Variants in SMYD3 observed in about 807,000 individuals in gnomAD.
SMYD3 encodes the protein SET and MYND domain containing 3, also known as histone-lysine N-methyltransferase SMYD3.
In SMYD3, 36 loss-of-function variants were observed where a neutral mutation model predicts 57.7. That is an observed-to-expected ratio of 0.62 (90% CI 0.48 to 0.82). The LOEUF is 0.82. SMYD3 is among the 40% of genes least tolerant of loss of function. SMYD3 has a pLI of 0.00. For synonymous variants in SMYD3, 211 were observed against 195.0 expected (o/e 1.08, Z -0.68); for missense variants, 515 against 538.8 (o/e 0.96, Z 0.44).
intron 1 of SMYD3, among the ~76,000 whole-genome samples, chr1:246,420,785 T>G (rs1345717074): frequency 6.6e-6 from 1 of 152,154 alleles, no homozygotes; most frequent in Non-Finnish European, 1.5e-5. Flanking sequence ...TAGCATAGGT[T>G]AGGGAAGAGA....
At position 245,835,370 on chromosome 1, in the gene SMYD3, A is replaced by G. The variant is rs375328787; in HGVS notation, c.1076+23126T>C. ...CTTGACCTCGTGATCTGCCCACCTC[A>G]GCCTCCCAAAGTGCTGGGATTACAG... On this transcript the variant is annotated intron_variant, in intron 10 of 11. Transcript: ENST00000490107. Among the ~76,000 whole-genome samples the G allele has an allele frequency of 3.3e-4, 50 of 152,124 alleles. No individual in the cohort carries two copies. In the East Asian group the frequency reaches 6.0e-3, roughly 18 times the overall value.
intron 10 of SMYD3, among the ~76,000 whole-genome samples, chr1:245,833,531 C>T (rs777741840): frequency 2.4e-4 from 37 of 152,188 alleles, no homozygotes; most frequent in Non-Finnish European, 4.1e-4. Flanking sequence ...GTAAAGTACC[C>T]TTCTCATTAC....
chr1:245,751,588 G>C (rs756466064), intron 11 of SMYD3, among the ~76,000 whole-genome samples: 6 of 78,110 alleles, frequency 7.7e-5, no homozygotes, highest in South Asian at 5.4e-4. Flanking sequence ...AAGAGAGAGA[G>C]AGAGAAAGAG....
At chr1:246,350,385 T>C (rs2148697786) in intron 2 of SMYD3, among the ~76,000 whole-genome samples, 1 of 152,292 alleles carries the variant, frequency 6.6e-6, no homozygotes, top group Admixed American at 6.5e-5. Flanking sequence ...AATTAGAAGT[T>C]GGAAAGAATC....
rs114197572 is a variant in SMYD3 at position 246,150,712 on chromosome 1, A to G, written c.531+176489T>C. ...GGGAAATGTCTGGCCCAGCCGTGGA[A>G]GTCCAGGGGTTGGGGGGACATGGAA... On this transcript the variant is annotated intron_variant, in intron 5 of 11. Coordinates refer to ENST00000490107, the MANE Select transcript of SMYD3 (RefSeq NM_001167740.2). 3.2e-3 allele frequency among the ~76,000 whole-genome samples: 481 copies of G among 152,324 alleles called. 5 individuals carry two copies. The highest frequency in any genetic ancestry group is 8.8e-3 in the Admixed American group (134 of 15,304).
At chr1:246,473,989 C>T (rs1286408200) in intron 1 of SMYD3, among the ~76,000 whole-genome samples, 3 of 152,200 alleles carry the variant, frequency 2.0e-5, no homozygotes, top group Non-Finnish European at 4.4e-5. Context: ...AAAAAATCTG[C>T]TAGGCCATTT....
chr1:246,242,286 T>G (rs1272397508), intron 5 of SMYD3, among the ~76,000 whole-genome samples: 2 of 152,196 alleles, frequency 1.3e-5, no homozygotes, highest in East Asian at 3.8e-4. Context: ...TTCTGGCATG[T>G]TGTGTCTTCG....
At chr1:245,910,554 A>T (rs1218654191) in intron 8 of SMYD3, among the ~76,000 whole-genome samples, 1 of 152,132 alleles carries the variant, frequency 6.6e-6, no homozygotes, top group Admixed American at 6.5e-5. Flanking sequence ...AAGCAAAGTA[A>T]GCATGGTACT....
At chr1:245,996,998 G>A (rs10924438) in intron 5 of SMYD3, among the ~76,000 whole-genome samples, 9 of 152,312 alleles carry the variant, frequency 5.9e-5, no homozygotes, top group East Asian at 1.9e-4. Context: ...TCGCTGGTGC[G>A]GAACACCATG....
chr1:246,222,923 A>C (rs921106962), intron 5 of SMYD3, among the ~76,000 whole-genome samples: 1 of 152,178 alleles, frequency 6.6e-6, no homozygotes, highest in Non-Finnish European at 1.5e-5. Flanking sequence ...TTCACATCTA[A>C]TACATGAAAA....
chr1:246,102,127 G>A (rs746812821), intron 5 of SMYD3, among the ~76,000 whole-genome samples: 2 of 152,224 alleles, frequency 1.3e-5, no homozygotes, highest in East Asian at 1.9e-4. Context: ...TTCCCAGCAC[G>A]CACAGGCTCT....
At chr1:246,327,976 T>G (rs2065383399) in intron 4 of SMYD3, among the ~76,000 whole-genome samples, 5 of 152,060 alleles carry the variant, frequency 3.3e-5, no homozygotes, top group Admixed American at 3.3e-4. Context: ...GGCAGATCAC[T>G]TGAGGTCAGT....
intron 5 of SMYD3, among the ~76,000 whole-genome samples, chr1:246,256,422 T>A (rs1281654765): frequency 1.3e-5 from 2 of 152,174 alleles, no homozygotes; most frequent in Non-Finnish European, 2.9e-5. Flanking sequence ...TCACAGTGTG[T>A]TTCCAGGAAT....
At position 245,904,354 on chromosome 1, in the gene SMYD3, G is replaced by A; in HGVS notation, c.813+11176C>T. On this transcript the variant is annotated intron_variant, in intron 8 of 11. Coordinates refer to ENST00000490107, the MANE Select transcript of SMYD3 (RefSeq NM_001167740.2). The stretch of plus-strand genomic sequence containing the variant: ...GAGGCCTCCCTAACCATGTGGAACT[G>A]TGAGACAATTAAAACTCTCTTCTTT... 1.3e-5 allele frequency among the ~76,000 whole-genome samples: 2 copies of A among 152,172 alleles called. 1 individual carries two copies. Among genetic ancestry groups the A allele is most frequent in the Non-Finnish European group, 2.9e-5 (2 of 68,040 alleles).
chr1:246,333,808 C>G (rs1011036916), intron 3 of SMYD3, among the ~76,000 whole-genome samples: 1 of 152,094 alleles, frequency 6.6e-6, no homozygotes, highest in Non-Finnish European at 1.5e-5. Context: ...ACTGCTTGAG[C>G]CCCAGAGGTT....
chr1:245,820,347 C>A (rs111609241), intron 10 of SMYD3, among the ~76,000 whole-genome samples: 11,972 of 148,218 alleles, frequency 0.081, 1,161 homozygotes, highest in African/African-American at 0.28. Context: ...ATTCAACAAC[C>A]CTTCATGCTA....
rs1407920502 is a variant in SMYD3, at chr1:246,171,322, T to C, written c.531+155879A>G. Among the ~76,000 whole-genome samples, 3 of 152,244 alleles carry C rather than the reference T, an allele frequency of 2.0e-5. 1 individual carries two copies. The highest frequency in any genetic ancestry group is 7.2e-5 in the African/African-American group (3 of 41,468). On this transcript the variant is annotated intron_variant, in intron 5 of 11. Coordinates refer to ENST00000490107, the MANE Select transcript of SMYD3 (RefSeq NM_001167740.2). ...GACATTAATATAATCCCTCCTTTCT[T>C]TGAATTTCTCTGATTCACCTTTGCA...
chr1:246,499,988 A>C (rs956939755), intron 1 of SMYD3, among the ~76,000 whole-genome samples: 75 of 152,146 alleles, frequency 4.9e-4, no homozygotes, highest in African/African-American at 1.8e-3. Context: ...AGAGTATGTT[A>C]AGAGCAGGGG....
intron 5 of SMYD3, among the ~76,000 whole-genome samples, chr1:246,275,246 C>A (rs960355871): frequency 4.6e-5 from 7 of 152,342 alleles, no homozygotes; most frequent in African/African-American, 1.7e-4. Flanking sequence ...TAACAATAGA[C>A]AAGACATGAT....
Sources: allele counts gnomAD v4.1 joint callset (sites outside exome capture counted in the v4.1 genomes callset), GRCh38; gene constraint gnomAD v4.1.1; transcripts MANE v1.5; gene names NCBI Gene and HGNC (gene_info 2026-07-23, HGNC 2026-07-21).